Variants in LYRM4 observed in about 807,000 individuals in gnomAD.
The protein encoded by LYRM4 is LYR motif containing 4, also known as LYR motif-containing protein 4.
Under a neutral mutation model 11.7 loss-of-function variants are expected in LYRM4, and 9 were observed. The observed-to-expected ratio is 0.77, with a 90% CI of 0.46 to 1.34. LYRM4 has a LOEUF of 1.34. LYRM4 is among the 40% of genes most tolerant of loss of function. The probability of loss-of-function intolerance (pLI) is 0.00; values close to 1 mark genes in which losing one functional copy is unlikely to be tolerated. For missense variants in LYRM4, 133 were observed against 112.5 expected (o/e 1.18, Z -0.82); for synonymous variants, 42 against 40.4 (o/e 1.04, Z -0.15).
At chr6:5,197,506 T>C (rs578024552) in intron 2 of LYRM4, among the ~76,000 whole-genome samples, 3 of 151,802 alleles carry the variant, frequency 2.0e-5, no homozygotes, top group African/African-American at 4.8e-5. Context: ...ACCCCGTCTC[T>C]ACTGAAAATA....
chr6:5,066,980 CAT>C, the LYRM4 span: 2 of 936,600 alleles, frequency 2.1e-6, no homozygotes, highest in East Asian at 2.9e-5. Flanking sequence ...CTGGGATCCA[CAT>C]GTCTTTGTCT....
At chr6:5,204,786 A>AT (rs1345966349) in intron 2 of LYRM4, among the ~76,000 whole-genome samples, 1 of 152,126 alleles carries the variant, frequency 6.6e-6, no homozygotes, top group Non-Finnish European at 1.5e-5. Flanking sequence ...ACCTCTATCG[A>AT]TTGAGATCTG....
chr6:5,256,785 C>G (rs892475031), intron 1 of LYRM4, among the ~76,000 whole-genome samples: 1 of 152,046 alleles, frequency 6.6e-6, no homozygotes, highest in Non-Finnish European at 1.5e-5. Context: ...AACTAAAAAA[C>G]CCTCTCTCCA....
intron 1 of LYRM4, among the ~76,000 whole-genome samples, chr6:5,229,591 C>T (rs2127740698): frequency 6.6e-6 from 1 of 152,168 alleles, no homozygotes; most frequent in East Asian, 1.9e-4. Flanking sequence ...CTGACTCAGC[C>T]CCCTAAGTAG....
intron 1 of LYRM4, among the ~76,000 whole-genome samples, chr6:5,248,760 T>C (rs1255926707): frequency 6.6e-6 from 1 of 152,256 alleles, no homozygotes; most frequent in Non-Finnish European, 1.5e-5. Context: ...ATTGGTATAT[T>C]GTCACCATGC....
intron 2 of LYRM4, among the ~76,000 whole-genome samples, chr6:5,120,395 C>T (rs1763382511): frequency 6.6e-6 from 1 of 152,158 alleles, no homozygotes; most frequent in Non-Finnish European, 1.5e-5. Context: ...GAGTTTGTTC[C>T]TTCTGGTGGG....
At chr6:5,148,518 G>GTGGGGCAGAGTCAGAACTCTGAATC (rs1554131022) in intron 2 of LYRM4, among the ~76,000 whole-genome samples, 55 of 54,318 alleles carry the variant, frequency 1.0e-3, no homozygotes, top group South Asian at 2.0e-3. Context: ...AGCTGGGCTG[G>GTGGGGCAGAGTCAGAACTCTGAATC]GTATACGCCT....
intron 2 of LYRM4, among the ~76,000 whole-genome samples, chr6:5,179,350 A>G (rs1160461112): frequency 6.6e-6 from 1 of 152,104 alleles, no homozygotes; most frequent in African/African-American, 2.4e-5. Context: ...ATCCAGCTCC[A>G]AAGTTTTTTT....
At chr6:5,229,960 C>CA (rs1159561279) in intron 1 of LYRM4, among the ~76,000 whole-genome samples, 1 of 152,194 alleles carries the variant, frequency 6.6e-6, no homozygotes, top group Non-Finnish European at 1.5e-5. Flanking sequence ...TAAACCCTAT[C>CA]ACTTGGATTT....
At chr6:5,252,837 C>T (rs935923577) in intron 1 of LYRM4, among the ~76,000 whole-genome samples, 1 of 152,008 alleles carries the variant, frequency 6.6e-6, no homozygotes, top group African/African-American at 2.4e-5. Context: ...AGAGGAACAC[C>T]GAGACTCACA....
chr6:5,210,613 T>C (rs1761942681), intron 2 of LYRM4, among the ~76,000 whole-genome samples: 1 of 152,220 alleles, frequency 6.6e-6, no homozygotes, highest in Non-Finnish European at 1.5e-5. Context: ...TTGTGAAACA[T>C]GACCAGAACT....
chr6:5,043,908 A>C, the LYRM4 span, among the ~76,000 whole-genome samples: 1 of 152,142 alleles, frequency 6.6e-6, no homozygotes, highest in African/African-American at 2.4e-5. Context: ...GAGTCTGTTT[A>C]CTTTGCCTTC....
chr6:5,221,260 G>A lies in LYRM4; in HGVS notation c.87-4522C>T, dbSNP rs546459612. ...TCTGCCAGTAATTGCATCTGTCAAA[G>A]GTTTCACCTGCCATATAGATGCCAT... is the stretch of plus-strand genomic sequence containing the variant. On this transcript the variant is annotated intron_variant, in intron 1 of 2. Coordinates refer to ENST00000330636, the MANE Select transcript of LYRM4 (RefSeq NM_020408.6). Among the ~76,000 whole-genome samples the A allele has an allele frequency of 1.9e-3, 288 of 152,292 alleles. 4 individuals are homozygous for A. Among genetic ancestry groups the A allele is most frequent in the Non-Finnish European group, 7.6e-4 (52 of 68,030 alleles).
At chr6:5,101,046 G>C (rs934501465), downstream of LYRM4, among the ~76,000 whole-genome samples, 2 of 152,068 alleles carry the variant, frequency 1.3e-5, no homozygotes, top group Non-Finnish European at 2.9e-5. Flanking sequence ...GCCACTCTGT[G>C]TATCTCTCCC....
At chr6:5,163,981 G>C (rs1758922200) in intron 2 of LYRM4, among the ~76,000 whole-genome samples, 2 of 152,034 alleles carry the variant, frequency 1.3e-5, no homozygotes, top group South Asian at 4.1e-4. Flanking sequence ...CTATAAACAT[G>C]GAATATGCTG....
intron 2 of LYRM4, among the ~76,000 whole-genome samples, chr6:5,120,485 C>T (rs1763391234): frequency 6.6e-6 from 1 of 152,076 alleles, no homozygotes; most frequent in South Asian, 2.1e-4. Context: ...GGTGTGGACC[C>T]AAAAAGTGAG....
chr6:5,201,810 C>A (rs1362177140), intron 2 of LYRM4, among the ~76,000 whole-genome samples: 2 of 152,188 alleles, frequency 1.3e-5, no homozygotes, highest in Admixed American at 1.3e-4. Flanking sequence ...AAAATTCATT[C>A]TATTAAAATG....
chr6:5,120,563 G>GTT (rs1561810191), intron 2 of LYRM4, among the ~76,000 whole-genome samples: 12 of 152,072 alleles, frequency 7.9e-5, no homozygotes, highest in Non-Finnish European at 1.5e-4. Context: ...GACGCCAGTG[G>GTT]GTTGCTGCTG....
rs546916544 is a variant in LYRM4 at position 5,120,544 on chromosome 6, G to A, written c.208-11053C>T. On this transcript the variant is annotated intron_variant, in intron 2 of 2. Transcript: ENST00000330636. ...AGCGAAGGAACAAAGTCTCCACAGC[G>A]TGGAAGGGGACGCCAGTGGGTTGCT... Among the ~76,000 whole-genome samples the A allele has an allele frequency of 6.6e-5, 10 of 152,346 alleles. No individual in the cohort carries two copies. In the East Asian group the frequency reaches 7.7e-4, roughly 12 times the overall value.
Sources: gnomAD v4.1 joint callset for allele counts (sites outside exome capture counted in the v4.1 genomes callset) on GRCh38, gnomAD v4.1.1 for gene constraint, MANE v1.5 for transcripts, NCBI Gene and HGNC (gene_info 2026-07-23, HGNC 2026-07-21) for gene names.